The following THSD4 variants were observed in gnomAD, a reference collection of about 807,000 sequenced individuals.
The protein encoded by THSD4 is thrombospondin type 1 domain containing 4.
In THSD4, 69 loss-of-function variants were observed where a neutral mutation model predicts 119.0. The ratio of observed to expected loss-of-function variants is 0.58; its 90% CI spans 0.48 to 0.71. The LOEUF is 0.71. Ranked by LOEUF, THSD4 falls within the 30% of genes least tolerant of loss-of-function variation. THSD4 has a pLI of 0.00. For synonymous variants in THSD4, 524 were observed against 540.4 expected, an observed-to-expected ratio of 0.97 and a Z score of 0.42; for missense variants, 1,393 against 1,391.1, an observed-to-expected ratio of 1.00 and a Z score of -0.02.
At chr15:71,677,846 T>G (rs1338801464) in intron 8 of THSD4, among the ~76,000 whole-genome samples, 2 of 152,366 alleles carry the variant, frequency 1.3e-5, no homozygotes, top group African/African-American at 4.8e-5. Context: ...ATATGCAAAA[T>G]GCCCACACCT....
intron 3 of THSD4, among the ~76,000 whole-genome samples, chr15:71,171,680 C>A (rs1417040692): frequency 6.6e-6 from 1 of 152,142 alleles, no homozygotes; most frequent in African/African-American, 2.4e-5. Flanking sequence ...TAATAATCAT[C>A]TGTTGTAGGG....
At chr15:71,738,110 G>A (rs768039456) in intron 11 of THSD4, 103 bp downstream of exon 11, 2 of 1,457,756 alleles carry the variant, frequency 1.4e-6, no homozygotes, top group Non-Finnish European at 1.8e-6. Flanking sequence ...ACCAGGGACT[G>A]GTTTCGTGGA....
At chr15:71,246,332 A>G (rs2044200916) in intron 5 of THSD4, among the ~76,000 whole-genome samples, 1 of 152,156 alleles carries the variant, frequency 6.6e-6, no homozygotes, top group South Asian at 2.1e-4. Context: ...CTATCTGAAC[A>G]TCTTCCAGGT....
chr15:71,350,181 C>G (rs1181793737), intron 6 of THSD4, among the ~76,000 whole-genome samples: 5 of 133,212 alleles, frequency 3.8e-5, no homozygotes, highest in Non-Finnish European at 3.3e-5. Flanking sequence ...ATGCCAAAAA[C>G]AAGGTGGGAT....
At chr15:71,111,532 C>T, upstream of THSD4, 4 of 787,900 alleles carry the variant, frequency 5.1e-6, no homozygotes, top group Non-Finnish European at 8.0e-6. Context: ...GACCAACTCT[C>T]AAAGTGTTTT....
intron 10 of THSD4, chr15:71,733,951 ATTGTTGTTGTTGTTGTTG>A (rs57720319): frequency 1.0e-4 from 14 of 140,194 alleles, no homozygotes; most frequent in African/African-American, 3.7e-4. Flanking sequence ...GAAAGCCCTA[ATTGTTGTTGTTGTTGTTG>A]TTGTTGTTGT....
At chr15:71,560,152 C>A (rs1433553061) in intron 7 of THSD4, among the ~76,000 whole-genome samples, 1 of 152,064 alleles carries the variant, frequency 6.6e-6, no homozygotes, top group African/African-American at 2.4e-5. Context: ...TATGAAGCAA[C>A]AGAAAGAATG....
chr15:71,520,726 T>C (rs2048427588), intron 7 of THSD4, among the ~76,000 whole-genome samples: 1 of 151,440 alleles, frequency 6.6e-6, no homozygotes, highest in Admixed American at 6.6e-5. Flanking sequence ...CTACTATTCT[T>C]GCTCCCCTTT....
chr15:71,463,306 A>G (rs34430707), intron 7 of THSD4, among the ~76,000 whole-genome samples: 24,030 of 152,108 alleles, frequency 0.16, 2,401 homozygotes, highest in East Asian at 0.3. Context: ...CAAGTCACAT[A>G]TGGTAATGAG....
intron 8 of THSD4, among the ~76,000 whole-genome samples, chr15:71,666,209 A>G (rs1386826063): frequency 1.3e-5 from 2 of 151,878 alleles, no homozygotes; most frequent in African/African-American, 4.8e-5. Flanking sequence ...AATTTCAGAG[A>G]TCTTTCACCT....
intron 8 of THSD4, among the ~76,000 whole-genome samples, chr15:71,708,318 T>G (rs994387027): frequency 2.0e-5 from 3 of 152,194 alleles, no homozygotes; most frequent in African/African-American, 7.2e-5. Context: ...TTTTTCATCC[T>G]CTGTAGACAA....
intron 8 of THSD4, among the ~76,000 whole-genome samples, chr15:71,665,680 G>A (rs1359899185): frequency 6.6e-6 from 1 of 152,196 alleles, no homozygotes; most frequent in Non-Finnish European, 1.5e-5. Flanking sequence ...TATATATGGT[G>A]TAAGCAAGGG....
At chr15:71,641,926 C>T (rs1176474507) in intron 7 of THSD4, among the ~76,000 whole-genome samples, 1 of 152,134 alleles carries the variant, frequency 6.6e-6, no homozygotes, top group Admixed American at 6.5e-5. Flanking sequence ...GGTGCTCTCA[C>T]CCTGTAGTCC....
At chr15:71,722,438 C>T (rs1317049334) in intron 8 of THSD4, among the ~76,000 whole-genome samples, 1 of 152,118 alleles carries the variant, frequency 6.6e-6, no homozygotes, top group Non-Finnish European at 1.5e-5. Context: ...GAGGTCCTTG[C>T]AGATTCCTCC....
intron 6 of THSD4, among the ~76,000 whole-genome samples, chr15:71,388,633 A>T (rs1013142879): frequency 6.7e-6 from 1 of 149,952 alleles, no homozygotes; most frequent in Non-Finnish European, 1.5e-5. Flanking sequence ...TACTTGTTTC[A>T]TTCGAGTATT....
intron 7 of THSD4, among the ~76,000 whole-genome samples, chr15:71,495,674 T>C (rs7167173): frequency 0.38 from 57,521 of 152,008 alleles, 12,408 homozygotes; most frequent in African/African-American, 0.6. Context: ...TATTATTATC[T>C]TTGTAACATA....
intron 7 of THSD4, among the ~76,000 whole-genome samples, chr15:71,474,147 T>G (rs978866793): frequency 6.6e-6 from 1 of 152,336 alleles, no homozygotes; most frequent in East Asian, 1.9e-4. Context: ...CTTGTGCCTT[T>G]ACAGGGACAT....
At chr15:71,224,611 C>T (rs1171044401) in intron 4 of THSD4, among the ~76,000 whole-genome samples, 1 of 152,174 alleles carries the variant, frequency 6.6e-6, no homozygotes, top group Non-Finnish European at 1.5e-5. Flanking sequence ...AGTTTATTTG[C>T]TTACAGTTCT....
At chr15:71,465,660 G>A (rs181886440) in intron 7 of THSD4, among the ~76,000 whole-genome samples, 38 of 152,268 alleles carry the variant, frequency 2.5e-4, no homozygotes, top group Admixed American at 6.5e-4. Flanking sequence ...AGCAAACCTC[G>A]TCTGTTGCAT....
Sources: gnomAD v4.1 joint callset for allele counts (sites outside exome capture counted in the v4.1 genomes callset) on GRCh38, gnomAD v4.1.1 for gene constraint, MANE v1.5 for transcripts, NCBI Gene and HGNC (gene_info 2026-07-23, HGNC 2026-07-21) for gene names.